Variants in ASMTL observed in about 807,000 individuals in gnomAD.
ASMTL encodes the protein acetylserotonin O-methyltransferase like.
ASMTL carries 57 observed loss-of-function variants against 60.3 expected under a neutral mutation model. The ratio of observed to expected loss-of-function variants is 0.95; its 90% CI spans 0.76 to 1.18. ASMTL has a LOEUF of 1.18. Among genes scored for constraint, ASMTL ranks in the 50% most tolerant of loss-of-function variants. The pLI is 0.00. For synonymous variants in ASMTL, 419 were observed against 373.0 expected (o/e 1.12, Z -1.42); for missense variants, 981 against 852.6 (o/e 1.15, Z -1.88).
chrX:1,425,464 C>T, intron 8 of ASMTL, 61 bp downstream of exon 8: 1 of 1,577,306 alleles, frequency 6.3e-7, no homozygotes, highest in Non-Finnish European at 8.6e-7. Context: ...TCCAGGTCAC[C>T]TTCCCTCAGT....
intron 12 of ASMTL, among the ~76,000 whole-genome samples, chrX:1,412,008 G>T (rs2090047805): frequency 6.6e-6 from 1 of 151,692 alleles, no homozygotes; most frequent in African/African-American, 2.4e-5. Context: ...ATAGAGACGG[G>T]GTTTCACCAT....
At chrX:1,452,574 G>A (rs1211024683) in intron 1 of ASMTL, among the ~76,000 whole-genome samples, 174 bp downstream of exon 1, 2 of 151,062 alleles carry the variant, frequency 1.3e-5, no homozygotes. Flanking sequence ...AGAGGTTCCG[G>A]GTCACTCTCC....
chrX:1,413,050 C>G, intron 11 of ASMTL, 196 bp from the exon 12 acceptor site: 1 of 629,802 alleles, frequency 1.6e-6, no homozygotes, highest in Admixed American at 2.8e-5. Flanking sequence ...AGTGATGTCA[C>G]GCCCGTGCGG....
At chrX:1,413,319 G>A (rs1393811763) in intron 11 of ASMTL, among the ~76,000 whole-genome samples, 12 of 151,914 alleles carry the variant, frequency 7.9e-5, no homozygotes, top group South Asian at 4.2e-4. Context: ...CCGAGATCGC[G>A]CCATCGCACT....
Position 1,417,966 on chromosome X carries a change from G to A in ASMTL, c.1522+7C>T. Reference sequence around the variant, plus strand: ...AGGTTAGCAGGGTGAACAGGAGGAGGGCTCACCTGCTGCGAAGTGGATCTG... The same window carrying A: ...AGGTTAGCAGGGTGAACAGGAGGAGAGCTCACCTGCTGCGAAGTGGATCTG... On this transcript the variant is annotated splice_region_variant and intron_variant, in intron 11 of 12. Transcript: ENST00000381317. 1 of 1,604,050 alleles carries A rather than the reference G, an allele frequency of 6.2e-7. No individual in the cohort carries two copies. The highest frequency in any genetic ancestry group is 8.5e-7 in the Non-Finnish European group (1 of 1,173,414).
At chrX:1,453,755 GTGGAGATGGGGGTGT>G (rs1569535464), upstream of ASMTL, 68 of 142,198 alleles carry the variant, frequency 4.8e-4, 8 homozygotes, top group African/African-American at 1.7e-3. Context: ...TGGGAGGGGA[GTGGAGATGGGGGTGT>G]CCACGGGCCT....
chrX:1,405,212 GAATGGATGGATA>G (rs1177497478), intron 12 of ASMTL, among the ~76,000 whole-genome samples: 2 of 122,892 alleles, frequency 1.6e-5, no homozygotes, highest in Non-Finnish European at 3.7e-5. Flanking sequence ...GTAGATAGAT[GAATGGATGGATA>G]GATGGATGGA....
At chrX:1,423,317 GC>G (rs1210763392) in intron 8 of ASMTL, among the ~76,000 whole-genome samples, 1 of 151,954 alleles carries the variant, frequency 6.6e-6, no homozygotes, top group Non-Finnish European at 1.5e-5. Context: ...CTATGTTCCA[GC>G]CTCTAAGGAT....
chrX:1,440,076 T>C (rs1398660314), intron 2 of ASMTL, among the ~76,000 whole-genome samples: 1 of 145,710 alleles, frequency 6.9e-6, no homozygotes, highest in Non-Finnish European at 1.5e-5. Flanking sequence ...ACCTCTAATG[T>C]ATTTCTTTCT....
At chrX:1,429,156 A>G (rs1304303456) in intron 6 of ASMTL, among the ~76,000 whole-genome samples, 1 of 150,874 alleles carries the variant, frequency 6.6e-6, no homozygotes, top group Admixed American at 6.6e-5. Flanking sequence ...CGGCCCCCCA[A>G]AGTGCTGGGA....
chrX:1,442,270 G>T lies in ASMTL; in HGVS notation c.141C>A (p.Asp47Glu). 6.2e-6 allele frequency: 10 copies of T among 1,613,872 alleles called. No individual in the cohort carries two copies. The highest frequency in any genetic ancestry group is 8.5e-6 in the Non-Finnish European group (10 of 1,179,852). Reference protein sequence around the residue: ...VVPSKFKEKLDKASFATPYGY... With the variant: ...VVPSKFKEKLEKASFATPYGY... ...CATACGGAGTAGCGAAGGAGGCTTTGTCCAGCTTCTCTTTAAACTTGGAGG... is the reference window on the plus strand; with the variant it reads ...CATACGGAGTAGCGAAGGAGGCTTTTTCCAGCTTCTCTTTAAACTTGGAGG... Residue 47 changes from aspartate to glutamate, a missense_variant, in exon 2 of 13, where the codon GAC becomes GAA. Asp to Glu is a conservative substitution (Grantham distance 45, BLOSUM62 2). Transcript: ENST00000381317.
intron 1 of ASMTL, among the ~76,000 whole-genome samples, chrX:1,448,295 C>G (rs777366662): frequency 6.6e-6 from 1 of 150,866 alleles, no homozygotes; most frequent in Non-Finnish European, 1.5e-5. Flanking sequence ...ACACCGCCAT[C>G]TTGGATAAGC....
intron 2 of ASMTL, chrX:1,441,879 G>A (rs765847422): frequency 1.1e-4 from 37 of 334,372 alleles, no homozygotes; most frequent in African/African-American, 4.2e-4. Context: ...TATCAATTGC[G>A]AGAAATTATT....
At chrX:1,405,628 GGATGGATA>G (rs2089796368) in intron 12 of ASMTL, among the ~76,000 whole-genome samples, 1 of 151,346 alleles carries the variant, frequency 6.6e-6, no homozygotes, top group African/African-American at 2.4e-5. Context: ...ATAGATGAAT[GGATGGATA>G]GATGGATGCA....
At chrX:1,417,380 C>T (rs1463600185) in intron 11 of ASMTL, among the ~76,000 whole-genome samples, 1 of 148,100 alleles carries the variant, frequency 6.8e-6, no homozygotes, top group Non-Finnish European at 1.5e-5. Context: ...CATATGCAAC[C>T]ACACACCACA....
chrX:1,416,244 C>T (rs1262152082), intron 11 of ASMTL, among the ~76,000 whole-genome samples: 1 of 149,588 alleles, frequency 6.7e-6, no homozygotes, highest in African/African-American at 2.5e-5. Flanking sequence ...CACAGATGGG[C>T]ACAGACAGAC....
intron 1 of ASMTL, among the ~76,000 whole-genome samples, chrX:1,448,182 G>A (rs1406852109): frequency 5.1e-5 from 6 of 117,674 alleles, no homozygotes; most frequent in Admixed American, 9.1e-5. Context: ...GACACACACC[G>A]CCATCTTGGA....
In ASMTL at chrX:1,442,339, C is replaced by G. The variant is rs186619595; in HGVS notation, c.94-22G>C. On this transcript the variant is annotated intron_variant, in intron 1 of 12. Transcript: ENST00000381317. The stretch of plus-strand genomic sequence containing the variant: ...GACCCTGCAACAGTAGAAAAGGGGT[C>G]AGAAGGGTCAATGAAAGACCCTATG... The G allele has an allele frequency of 3.4e-4, 554 of 1,613,550 alleles. No individual in the cohort carries two copies. The African/African-American group carries it at 6.2e-3, about 18-fold the overall frequency.
At chrX:1,417,034 G>C (rs28971828) in intron 11 of ASMTL, among the ~76,000 whole-genome samples, 14 of 151,416 alleles carry the variant, frequency 9.2e-5, no homozygotes, top group South Asian at 2.1e-4. Flanking sequence ...CAGAGACACA[G>C]ACACAAGCAC....
Sources: allele counts gnomAD v4.1 joint callset (sites outside exome capture counted in the v4.1 genomes callset), GRCh38; gene constraint gnomAD v4.1.1; transcripts MANE v1.5; gene names NCBI Gene and HGNC (gene_info 2026-07-23, HGNC 2026-07-21).